EFCC1: variants seen among roughly 807,000 people sequenced by gnomAD.
EFCC1 encodes the protein EF-hand and coiled-coil domain-containing protein 1.
In EFCC1, 50 loss-of-function variants were observed where a neutral mutation model predicts 52.1. The observed-to-expected ratio is 0.96, with a 90% CI of 0.76 to 1.21. The LOEUF is 1.21. EFCC1 is among the 50% of genes most tolerant of loss of function. EFCC1 has a pLI of 0.00. For synonymous variants in EFCC1, 399 were observed against 396.5 expected (o/e 1.01, Z -0.08); for missense variants, 837 against 867.3 (o/e 0.97, Z 0.44).
intron 2 of EFCC1, among the ~76,000 whole-genome samples, chr3:129,006,452 A>G (rs2107863276): frequency 6.6e-6 from 1 of 152,284 alleles, no homozygotes; most frequent in Admixed American, 6.5e-5. Context: ...CATAGCTGGG[A>G]TTAAAGATGC....
intron 2 of EFCC1, among the ~76,000 whole-genome samples, chr3:129,011,067 G>A (rs1259204658): frequency 1.3e-5 from 2 of 152,186 alleles, no homozygotes; most frequent in Admixed American, 6.5e-5. Flanking sequence ...TGTGATGGGG[G>A]AGGCAGCGTG....
In EFCC1 at chr3:129,003,929, C is replaced by G; in HGVS notation, c.832C>G (p.Gln278Glu). ...CCGCGCTGGGCGGCTGCGCCGTGGC[C>G]AGGCCGAGGTGCGGCGGCGCGCGGA... Reference protein sequence around the residue: ...EARAGRLRRGQAEVRRRAEEA... With the variant: ...EARAGRLRRGEAEVRRRAEEA... The change falls in exon 2 of 8, where the codon CAG becomes GAG. Residue 278 changes from glutamine to glutamate, a missense_variant. Transcript: ENST00000683648. 11 of 1,376,592 alleles carry G rather than the reference C, an allele frequency of 8.0e-6. No individual in the cohort carries two copies. Among genetic ancestry groups the G allele is most frequent in the Non-Finnish European group, 1.0e-5 (11 of 1,068,980 alleles). The allele number at this position is 1,376,592 out of a possible 1,614,324, so 85.3% of individuals were successfully genotyped here.
chr3:129,037,042 C>A lies in EFCC1; in HGVS notation c.1518C>A (p.Thr506=), dbSNP rs780994479. The stretch of plus-strand genomic sequence containing the variant: ...GGCTGGAGCTGCAGATGGTAGAGAC[C>A]GAGAGGGTGCGGCTGTCCCTGCTGG... ...HLRLELQMVE[T]ERVRLSLLEE... The change falls in exon 6 of 8, where the codon ACC becomes ACA. Residue 506 remains threonine, a synonymous_variant. Transcript: ENST00000683648. 11 of 1,613,730 alleles carry A rather than the reference C, an allele frequency of 6.8e-6. No individual in the cohort carries two copies. The highest frequency in any genetic ancestry group is 9.3e-6 in the Non-Finnish European group (11 of 1,179,976).
At position 129,025,477 on chromosome 3, in the gene EFCC1, C is replaced by T. The variant is rs545717304; in HGVS notation, c.981-5226C>T. Among the ~76,000 whole-genome samples the T allele has an allele frequency of 8.5e-5, 13 of 152,260 alleles. 1 individual carries two copies. The South Asian group carries it at 1.5e-3, about 17-fold the overall frequency. Reference sequence around the variant, plus strand: ...GCCATTGGGCTTGGCAGCCCAGTGCCGTGGGTGATGTGACGGGGACCAAGA... The same window carrying T: ...GCCATTGGGCTTGGCAGCCCAGTGCTGTGGGTGATGTGACGGGGACCAAGA... On this transcript the variant is annotated intron_variant, in intron 2 of 7. Coordinates refer to ENST00000683648, the MANE Select transcript of EFCC1 (RefSeq NM_001377500.1).
chr3:129,031,328 G>A (rs1456693948), intron 3 of EFCC1, among the ~76,000 whole-genome samples: 1 of 152,186 alleles, frequency 6.6e-6, no homozygotes, highest in African/African-American at 2.4e-5. Context: ...CTACTCGGAG[G>A]GGGAGTGGGG....
In EFCC1 at chr3:129,040,081, C is replaced by A; in HGVS notation, c.*233C>A. The stretch of plus-strand genomic sequence containing the variant: ...TACCTCGCAGCCCCTGCATTCCTGC[C>A]ACCAGAGTCCACATTAAAGCCCTGC... On this transcript the variant is annotated 3_prime_UTR_variant, in exon 8 of 8. Transcript: ENST00000683648. The surrounding 1 kb of genome is among the most constrained non-coding windows in gnomAD (Gnocchi z 4.4). 2.1e-6 allele frequency: 1 copy of A among 484,634 alleles called. No homozygotes were observed. Among genetic ancestry groups the A allele is most frequent in the Non-Finnish European group, 3.6e-6 (1 of 277,804 alleles). The allele number at this position is 484,634 out of a possible 1,614,324, so 30.0% of individuals were successfully genotyped here.
chr3:129,020,686 A>C (rs1385635309), intron 2 of EFCC1, among the ~76,000 whole-genome samples: 1 of 152,144 alleles, frequency 6.6e-6, no homozygotes, highest in African/African-American at 2.4e-5. Flanking sequence ...AAGAGGTGAA[A>C]GACTTGGTAA....
In EFCC1 at chr3:129,037,033, G is replaced by A. The variant is rs1228838504; in HGVS notation, c.1509G>A (p.Met503Ile). 6.2e-7 allele frequency: 1 copy of A among 1,613,846 alleles called. No homozygotes were observed. Among genetic ancestry groups the A allele is most frequent in the South Asian group, 1.1e-5 (1 of 91,084 alleles). ...AGCACCTGAGGCTGGAGCTGCAGAT[G>A]GTAGAGACCGAGAGGGTGCGGCTGT... ...ENEHLRLELQMVETERVRLSL... is the reference protein window; with the variant it reads ...ENEHLRLELQIVETERVRLSL... The change falls in exon 6 of 8, where the codon ATG (methionine) becomes ATA (isoleucine). Residue 503 changes from methionine to isoleucine, a missense_variant. By Grantham distance (10) the Met-to-Ile change is conservative (BLOSUM62 1). Coordinates refer to ENST00000683648, the MANE Select transcript of EFCC1 (RefSeq NM_001377500.1).
intron 2 of EFCC1, among the ~76,000 whole-genome samples, chr3:129,006,321 C>T (rs1054184290): frequency 1.1e-4 from 16 of 152,056 alleles, no homozygotes; most frequent in South Asian, 4.1e-4. Flanking sequence ...GTTTTTTGTT[C>T]GTTTGTTTGT....
Position 129,037,078 on chromosome 3 carries a change from G to A in EFCC1, c.1554G>A (p.Leu518=). 6.2e-7 allele frequency: 1 copy of A among 1,612,556 alleles called. No homozygotes were observed. Among genetic ancestry groups the A allele is most frequent in the South Asian group, 1.1e-5 (1 of 90,930 alleles). ...GGCTGTCCCTGCTGGAGGAGAAGCT[G>A]GTGGACGTGCTGCAGCTCCTGCAGA... ...RVRLSLLEEK[L]VDVLQLLQRL... The change falls in exon 6 of 8, where the codon CTG becomes CTA. Residue 518 remains leucine (L), a synonymous_variant. Transcript: ENST00000683648.
At chr3:129,015,835 C>G (rs1468605905) in intron 2 of EFCC1, among the ~76,000 whole-genome samples, 3 of 151,656 alleles carry the variant, frequency 2.0e-5, no homozygotes, top group African/African-American at 7.3e-5. Flanking sequence ...ACATGTTGCT[C>G]TCTGTTTCCT....
intron 2 of EFCC1, among the ~76,000 whole-genome samples, chr3:129,025,268 C>T (rs1946055660): frequency 6.6e-6 from 1 of 152,094 alleles, no homozygotes; most frequent in African/African-American, 2.4e-5. Context: ...CAGAGGGCAT[C>T]CCAGGGCTCA....
At chr3:129,002,451 C>A (rs1944836310) in intron 1 of EFCC1, 127 bp downstream of exon 1, 2 of 1,389,462 alleles carry the variant, frequency 1.4e-6, no homozygotes, top group Admixed American at 6.5e-5. Flanking sequence ...CCCACACCAT[C>A]CCACTCCGCA....
chr3:129,007,710 T>C (rs1576709040), intron 2 of EFCC1, among the ~76,000 whole-genome samples: 1 of 152,244 alleles, frequency 6.6e-6, no homozygotes, highest in Non-Finnish European at 1.5e-5. Flanking sequence ...TTAGACTGCG[T>C]TGAATTTCCT....
Position 129,003,987 on chromosome 3 carries a change from A to G in EFCC1, c.890A>G (p.His297Arg), listed in dbSNP as rs1479686320. The G allele has an allele frequency of 6.7e-7, 1 of 1,498,346 alleles. No homozygotes were observed. Among genetic ancestry groups the G allele is most frequent in the Non-Finnish European group, 8.8e-7 (1 of 1,131,394 alleles). 92.8% of individuals were successfully genotyped at this position (1,498,346 alleles called of 1,614,324 possible). The change falls in exon 2 of 8, where the codon CAC becomes CGC. Residue 297 changes from histidine (H) to arginine (R), a missense_variant. By Grantham distance (29) the His-to-Arg change is conservative. Transcript: ENST00000683648. ...EARQVVLRSLHRVRELEALAQ... is the reference protein window; with the variant it reads ...EARQVVLRSLRRVRELEALAQ... ...CGGCAGGTGGTGCTGCGCAGCCTGC[A>G]CCGCGTGCGAGAGCTGGAGGCGCTG...
intron 2 of EFCC1, among the ~76,000 whole-genome samples, chr3:129,021,119 A>G (rs1383601031): frequency 6.6e-6 from 1 of 152,148 alleles, no homozygotes; most frequent in Non-Finnish European, 1.5e-5. Flanking sequence ...CCAGGGAAAC[A>G]AGGCTCTGGG....
intron 2 of EFCC1, among the ~76,000 whole-genome samples, chr3:129,021,498 C>T (rs986008655): frequency 3.9e-5 from 6 of 152,212 alleles, no homozygotes; most frequent in East Asian, 1.9e-4. Flanking sequence ...CGCTTGAACC[C>T]GGGAGGCGGA....
At chr3:129,038,994 C>T (rs1946391266) in intron 7 of EFCC1, 94 bp downstream of exon 7, 1 of 1,105,354 alleles carries the variant, frequency 9.0e-7, no homozygotes, top group Non-Finnish European at 1.4e-6. Context: ...AGCATCTTGT[C>T]TGCAAAACAA....
At chr3:129,017,467 G>A (rs1339511132) in intron 2 of EFCC1, among the ~76,000 whole-genome samples, 4 of 152,230 alleles carry the variant, frequency 2.6e-5, no homozygotes, top group Non-Finnish European at 2.9e-5. Context: ...CCGAAAGCAA[G>A]GCACCCTTGG....
Sources: gnomAD v4.1 joint callset for allele counts (sites outside exome capture counted in the v4.1 genomes callset) on GRCh38, gnomAD v4.1.1 for gene constraint, Gnocchi (gnomAD v3.1) non-coding constraint, MANE v1.5 for transcripts, NCBI Gene and HGNC (gene_info 2026-07-23, HGNC 2026-07-21) for gene names.